Variants in KCNMA1 observed in about 807,000 individuals in gnomAD.
KCNMA1 encodes the protein Calcium-activated potassium channel subunit alpha-1.
In KCNMA1, 29 loss-of-function variants were observed where a neutral mutation model predicts 140.0. The observed-to-expected ratio is 0.21, with a 90% CI of 0.15 to 0.28. The LOEUF (loss-of-function observed/expected upper bound fraction) is 0.28. Ranked by LOEUF, KCNMA1 falls within the 10% of genes least tolerant of loss-of-function variation. The pLI, the probability that KCNMA1 is intolerant of heterozygous loss-of-function variation, is 1.00. For synonymous variants in KCNMA1, 612 were observed against 611.9 expected (o/e 1.00, Z 0.00); for missense variants, 880 against 1,602.2 (o/e 0.55, Z 7.70).
chr10:77,554,456 G>A (rs976313831), intron 1 of KCNMA1, among the ~76,000 whole-genome samples: 3 of 144,896 alleles, frequency 2.1e-5, no homozygotes, highest in Non-Finnish European at 4.5e-5. Context: ...AATTAGCTGA[G>A]CGTGCTAGTG....
At chr10:76,890,061 C>T (rs1352450422) in intron 26 of KCNMA1, among the ~76,000 whole-genome samples, 1 of 151,966 alleles carries the variant, frequency 6.6e-6, no homozygotes, top group Non-Finnish European at 1.5e-5. Flanking sequence ...GTGACAGACT[C>T]TTTCAGGAGG....
At chr10:77,256,286 G>T (rs975905915) in intron 2 of KCNMA1, among the ~76,000 whole-genome samples, 3 of 152,170 alleles carry the variant, frequency 2.0e-5, no homozygotes, top group African/African-American at 7.2e-5. Context: ...TCACGGCCTT[G>T]GGAGGCAGAT....
chr10:77,599,916 C>T (rs1220251685), intron 1 of KCNMA1, among the ~76,000 whole-genome samples: 1 of 152,108 alleles, frequency 6.6e-6, no homozygotes, highest in African/African-American at 2.4e-5. Context: ...GCTCTCTGGG[C>T]CAATCTCCTT....
intron 5 of KCNMA1, among the ~76,000 whole-genome samples, chr10:77,172,574 T>G (rs1226246010): frequency 6.6e-6 from 1 of 152,106 alleles, no homozygotes; most frequent in Non-Finnish European, 1.5e-5. Flanking sequence ...CTGGGCTGCC[T>G]TCTTCAGAGC....
chr10:77,449,034 C>G (rs2097580103), intron 1 of KCNMA1, among the ~76,000 whole-genome samples: 1 of 151,254 alleles, frequency 6.6e-6, no homozygotes, highest in South Asian at 2.1e-4. Context: ...TTGCAGTGAG[C>G]CGAGATCGCA....
intron 14 of KCNMA1, among the ~76,000 whole-genome samples, chr10:77,071,820 G>A (rs1565910621): frequency 6.6e-6 from 1 of 152,180 alleles, no homozygotes; most frequent in Non-Finnish European, 1.5e-5. Flanking sequence ...CCTTTATGTG[G>A]AGCAATGTTA....
At chr10:77,179,923 G>A (rs376144107) in intron 5 of KCNMA1, among the ~76,000 whole-genome samples, 42 of 152,306 alleles carry the variant, frequency 2.8e-4, no homozygotes, top group African/African-American at 9.9e-4. Flanking sequence ...ACCGTTACAT[G>A]CACTAGGATG....
At chr10:76,914,838 A>G (rs369500069) in intron 24 of KCNMA1, 98 bp downstream of exon 24, 21 of 904,738 alleles carry the variant, frequency 2.3e-5, no homozygotes, top group Admixed American at 1.4e-4. Flanking sequence ...TAGCAGCTAC[A>G]AAGTTGAAAG....
intron 20 of KCNMA1, among the ~76,000 whole-genome samples, chr10:76,957,982 G>A (rs2069088182): frequency 6.6e-6 from 1 of 152,222 alleles, no homozygotes; most frequent in Non-Finnish European, 1.5e-5. Flanking sequence ...GTGCTGCAGA[G>A]AGATCTCTGG....
chr10:77,432,112 G>A (rs1457205100), intron 1 of KCNMA1, among the ~76,000 whole-genome samples: 1 of 152,184 alleles, frequency 6.6e-6, no homozygotes, highest in Admixed American at 6.5e-5. Context: ...AGCCACAGCT[G>A]CACTCTACCT....
At chr10:77,198,357 T>C (rs1174801184) in intron 3 of KCNMA1, among the ~76,000 whole-genome samples, 2 of 152,004 alleles carry the variant, frequency 1.3e-5, no homozygotes, top group Non-Finnish European at 2.9e-5. Context: ...GTAGGGACTC[T>C]ATGCATCTAT....
chr10:77,263,577 T>G (rs1445563553), intron 2 of KCNMA1, among the ~76,000 whole-genome samples: 2 of 152,166 alleles, frequency 1.3e-5, no homozygotes, highest in African/African-American at 4.8e-5. Flanking sequence ...CATAAAATTT[T>G]CATCTTCTAC....
At chr10:77,435,394 G>C (rs2097240242) in intron 1 of KCNMA1, among the ~76,000 whole-genome samples, 1 of 152,196 alleles carries the variant, frequency 6.6e-6, no homozygotes, top group Non-Finnish European at 1.5e-5. Context: ...ATTCTAGGTA[G>C]ATGCCTCCGT....
At chr10:76,957,127 CAAAA>C (rs569115924) in intron 20 of KCNMA1, among the ~76,000 whole-genome samples, 5 of 71,360 alleles carry the variant, frequency 7.0e-5, no homozygotes, top group East Asian at 3.8e-4. Flanking sequence ...GACTCTGTCT[CAAAA>C]AAAAAAAAAA....
chr10:77,189,931 T>C (rs1457829528), intron 3 of KCNMA1, among the ~76,000 whole-genome samples: 1 of 152,222 alleles, frequency 6.6e-6, no homozygotes, highest in Non-Finnish European at 1.5e-5. Flanking sequence ...ATAGTAACTC[T>C]AAGCCTGGCT....
At chr10:77,175,065 T>C (rs570497745) in intron 5 of KCNMA1, among the ~76,000 whole-genome samples, 2 of 152,262 alleles carry the variant, frequency 1.3e-5, no homozygotes, top group South Asian at 4.2e-4. Flanking sequence ...CCAGGAGTGC[T>C]TGTTAAAACA....
At chr10:77,432,045 C>T (rs997757491) in intron 1 of KCNMA1, among the ~76,000 whole-genome samples, 2 of 152,030 alleles carry the variant, frequency 1.3e-5, no homozygotes, top group African/African-American at 2.4e-5. Flanking sequence ...TGCTCAGCTT[C>T]GGGGCAGGAG....
At position 77,169,319 on chromosome 10, in the gene KCNMA1, G is replaced by T. The variant is rs915845956; in HGVS notation, c.808+14102C>A. ...AATGCAAACAGGGCTGGAGAAGAAG[G>T]CTAGGTGAGAATATAAAGAAGGAAG... On this transcript the variant is annotated intron_variant, in intron 5 of 27. Transcript: ENST00000286628. Among the ~76,000 whole-genome samples the T allele has an allele frequency of 2.0e-5, 3 of 152,022 alleles. No homozygotes were observed. The South Asian group carries it at 6.2e-4, about 32-fold the overall frequency.
intron 1 of KCNMA1, among the ~76,000 whole-genome samples, chr10:77,464,257 C>G (rs947755173): frequency 2.1e-4 from 32 of 152,078 alleles, no homozygotes; most frequent in Admixed American, 1.5e-3. Flanking sequence ...AGGCTCAAGT[C>G]AGACCCTTCA....
Sources: gnomAD v4.1 joint callset for allele counts (sites outside exome capture counted in the v4.1 genomes callset) on GRCh38, gnomAD v4.1.1 for gene constraint, MANE v1.5 for transcripts, NCBI Gene and HGNC (gene_info 2026-07-23, HGNC 2026-07-21) for gene names.